The following ITSN1 variants were observed in gnomAD, a reference collection of about 807,000 sequenced individuals.
The protein encoded by ITSN1 is intersectin 1, also known as intersectin-1.
ITSN1 carries 58 observed loss-of-function variants against 239.8 expected under a neutral mutation model. That is an observed-to-expected ratio of 0.24 (90% CI 0.20 to 0.30). The LOEUF is 0.30. Ranked by LOEUF, ITSN1 falls within the 10% of genes least tolerant of loss-of-function variation. The pLI is 1.00. For synonymous variants in ITSN1, 780 were observed against 770.8 expected (o/e 1.01, Z -0.20); for missense variants, 1,558 against 2,103.3 (o/e 0.74, Z 5.07).
rs374327383 is a variant in ITSN1 at position 33,745,573 on chromosome 21, A to G, written c.347-4570A>G. 9.9e-4 allele frequency among the ~76,000 whole-genome samples: 151 copies of G among 152,250 alleles called. 1 individual carries two copies. Among genetic ancestry groups the G allele is most frequent in the African/African-American group, 3.4e-3 (140 of 41,558 alleles). On this transcript the variant is annotated intron_variant, in intron 5 of 39. Coordinates refer to ENST00000381318, the MANE Select transcript of ITSN1 (RefSeq NM_003024.3). The stretch of plus-strand genomic sequence containing the variant: ...AAGTCTGTTGCATTCTTTCCTGGGC[A>G]TTTTCCTATCCCCCAACACTTCAGC...
At chr21:33,814,713 A>G (rs1380684323) in intron 22 of ITSN1, among the ~76,000 whole-genome samples, 2 of 152,248 alleles carry the variant, frequency 1.3e-5, no homozygotes, top group East Asian at 3.8e-4. Context: ...GATGGAACAC[A>G]GGGTCTAGGC....
At chr21:33,650,308 A>G (rs1210829731) in intron 1 of ITSN1, among the ~76,000 whole-genome samples, 1 of 152,144 alleles carries the variant, frequency 6.6e-6, no homozygotes, top group Non-Finnish European at 1.5e-5. Context: ...GCTTTAACCA[A>G]CCTAGTTAAG....
At chr21:33,665,371 A>G (rs1184859534) in intron 1 of ITSN1, among the ~76,000 whole-genome samples, 4 of 152,242 alleles carry the variant, frequency 2.6e-5, no homozygotes, top group Non-Finnish European at 5.9e-5. Context: ...CAACCAGTAC[A>G]TGAACAGATA....
chr21:33,812,068 G>A (rs371274008), intron 21 of ITSN1, among the ~76,000 whole-genome samples: 21 of 152,048 alleles, frequency 1.4e-4, no homozygotes, highest in African/African-American at 3.6e-4. Flanking sequence ...AGGATGTAAG[G>A]AATAGCAAGT....
In ITSN1 at chr21:33,833,871, CAAA is replaced by C. The variant is rs923200436; in HGVS notation, c.3352-420_3352-418del. On this transcript the variant is annotated intron_variant, in intron 27 of 39. Coordinates refer to ENST00000381318, the MANE Select transcript of ITSN1 (RefSeq NM_003024.3). Reference sequence around the variant, plus strand: ...GGGGTGACAGAGCGAGACTCCGTCTCAAAAAAAAAAAAAAAAAAGAAGTACTCA... The same window carrying C: ...GGGGTGACAGAGCGAGACTCCGTCTCAAAAAAAAAAAAAAAGAAGTACTCA... Among the ~76,000 whole-genome samples, 160 of 61,214 alleles carry C rather than the reference CAAA, an allele frequency of 2.6e-3. 1 individual carries two copies. The East Asian group carries it at 0.068, about 26-fold the overall frequency. 40.2% of individuals were successfully genotyped at this position (61,214 alleles called of 152,430 possible).
intron 31 of ITSN1, among the ~76,000 whole-genome samples, chr21:33,864,732 CA>C (rs1981265898): frequency 6.6e-6 from 1 of 151,998 alleles, no homozygotes; most frequent in African/African-American, 2.4e-5. Context: ...TCTTTTTAGC[CA>C]AAAATCATCC....
At position 33,886,189 on chromosome 21, in the gene ITSN1, G is replaced by A. The variant is rs968780510; in HGVS notation, c.4844-98G>A. 2.9e-6 allele frequency: 3 copies of A among 1,033,556 alleles called. No individual in the cohort carries two copies. The African/African-American group carries it at 4.9e-5, about 17-fold the overall frequency. 64.0% of individuals were successfully genotyped at this position (1,033,556 alleles called of 1,614,324 possible). The stretch of plus-strand genomic sequence containing the variant: ...ATCATACCACTGCACTGCAGCCTGG[G>A]CGACAGAGCAAGAATCCATCTAAAA... On this transcript the variant is annotated intron_variant, in intron 38 of 39. Transcript: ENST00000381318.
chr21:33,749,298 T>C (rs748330277), intron 5 of ITSN1, among the ~76,000 whole-genome samples: 1 of 152,130 alleles, frequency 6.6e-6, no homozygotes, highest in Non-Finnish European at 1.5e-5. Context: ...CTGGAAACAT[T>C]TATTTTTGTT....
intron 27 of ITSN1, among the ~76,000 whole-genome samples, chr21:33,832,645 A>G (rs2074362126): frequency 6.6e-6 from 1 of 152,064 alleles, no homozygotes; most frequent in East Asian, 2.0e-4. Context: ...ATGGTGGTAT[A>G]CTCGGTAGAT....
intron 9 of ITSN1, among the ~76,000 whole-genome samples, chr21:33,763,722 T>C (rs573074110): frequency 6.6e-6 from 1 of 152,258 alleles, no homozygotes; most frequent in Admixed American, 6.5e-5. Flanking sequence ...GTGTAATGAT[T>C]TTGAATAGCT....
intron 1 of ITSN1, among the ~76,000 whole-genome samples, chr21:33,717,252 A>G (rs1281302740): frequency 6.6e-6 from 1 of 151,212 alleles, no homozygotes; most frequent in Non-Finnish European, 1.5e-5. Context: ...GCTGGAGTAC[A>G]GTGACACCGT....
intron 29 of ITSN1, among the ~76,000 whole-genome samples, chr21:33,848,372 C>G (rs903852511): frequency 1.3e-5 from 2 of 152,210 alleles, no homozygotes; most frequent in African/African-American, 2.4e-5. Context: ...GAGGAACCAG[C>G]CCTGTTGTCA....
chr21:33,721,324 TG>T, intron 3 of ITSN1, 54 bp downstream of exon 3: 1 of 1,132,732 alleles, frequency 8.8e-7, no homozygotes, highest in South Asian at 1.2e-5. Context: ...CAGATGTCTG[TG>T]GAAACTCTAT....
chr21:33,671,092 A>G (rs2090246236), intron 1 of ITSN1, among the ~76,000 whole-genome samples: 1 of 152,226 alleles, frequency 6.6e-6, no homozygotes. Flanking sequence ...CTAGAGAAAC[A>G]TTCAAAAGTC....
chr21:33,782,227 T>A, intron 16 of ITSN1, 94 bp downstream of exon 16: 1 of 1,176,302 alleles, frequency 8.5e-7, no homozygotes, highest in Non-Finnish European at 1.2e-6. Flanking sequence ...GGCAGAAAAA[T>A]TTATTATGCC....
In ITSN1 at chr21:33,799,900, A is replaced by C; in HGVS notation, c.2275A>C (p.Ile759Leu). The change falls in exon 19 of 40, where the codon ATC becomes CTC. Residue 759 changes from isoleucine to leucine, a missense_variant. This residue lies in a region of ITSN1 where 982 missense variants were observed against 1,209.9 expected (regional missense o/e 0.81). Transcript: ENST00000381318. ...YPFESRSHDE[I>L]TIQPGDIVMV... ...CTTTGAATCCAGAAGCCATGATGAA[A>C]TCACTATCCAGCCAGGAGACATAGT... 1 of 1,614,046 alleles carries C rather than the reference A, an allele frequency of 6.2e-7. No individual in the cohort carries two copies. Among genetic ancestry groups the C allele is most frequent in the South Asian group, 1.1e-5 (1 of 91,058 alleles).
intron 27 of ITSN1, among the ~76,000 whole-genome samples, chr21:33,830,439 G>A (rs952273639): frequency 1.3e-5 from 2 of 152,128 alleles, no homozygotes; most frequent in African/African-American, 4.8e-5. Context: ...ATAGAGTGGG[G>A]AACTAGGACA....
In ITSN1 at chr21:33,804,748, TGA is replaced by T. The variant is rs1253007748; in HGVS notation, c.2319+2306_2319+2307del. Among the ~76,000 whole-genome samples the T allele has an allele frequency of 2.2e-4, 34 of 152,316 alleles. No homozygotes were observed. In the East Asian group the frequency reaches 6.2e-3, roughly 28 times the overall value. On this transcript the variant is annotated intron_variant, in intron 20 of 39. Coordinates refer to ENST00000381318, the MANE Select transcript of ITSN1 (RefSeq NM_003024.3). ...TGAAGTTTATCTTGAGAACACAGGC[TGA>T]GTGTCTAAATCAGTACAATCTTTTG...
intron 1 of ITSN1, among the ~76,000 whole-genome samples, chr21:33,690,500 T>A (rs1393883671): frequency 6.7e-6 from 1 of 150,328 alleles, no homozygotes; most frequent in Non-Finnish European, 1.5e-5. Context: ...CTCGAGAGGC[T>A]GAGGCAGGAG....
Sources: allele counts gnomAD v4.1 joint callset (sites outside exome capture counted in the v4.1 genomes callset), GRCh38; gene constraint gnomAD v4.1.1; regional missense constraint gnomAD v4.1.1; transcripts MANE v1.5; gene names NCBI Gene and HGNC (gene_info 2026-07-23, HGNC 2026-07-21).